The following ZC3H12B variants were observed in gnomAD, a reference collection of about 807,000 sequenced individuals.
ZC3H12B encodes the protein zinc finger CCCH-type containing 12B, also known as probable ribonuclease ZC3H12B.
In ZC3H12B, 7 loss-of-function variants were observed where a neutral mutation model predicts 43.9. That is an observed-to-expected ratio of 0.16 (90% CI 0.09 to 0.30). ZC3H12B has a LOEUF of 0.30. Ranked by LOEUF, ZC3H12B falls within the 10% of genes least tolerant of loss-of-function variation. The pLI, the probability that ZC3H12B is intolerant of heterozygous loss-of-function variation, is 1.00. For synonymous variants in ZC3H12B, 222 were observed against 241.7 expected (o/e 0.92, Z 0.76); for missense variants, 475 against 670.2 (o/e 0.71, Z 3.22).
Position 65,373,000 on chromosome X carries a change from G to C in ZC3H12B, n.295+4002G>C, listed in dbSNP as rs1219614770. ...ACATTAATCAGTCCATGATTTTCTT[G>C]TGAAAAATATAGTTCCTATGGTGGG... On this transcript the variant is annotated intron_variant and non_coding_transcript_variant, in intron 2 of 5. Transcript: ENST00000617377. Among the ~76,000 whole-genome samples the C allele has an allele frequency of 2.7e-5, 3 of 112,000 alleles. No individual in the cohort carries two copies. In the Admixed American group the frequency reaches 2.8e-4, roughly 11 times the overall value.
the ZC3H12B span, among the ~76,000 whole-genome samples, chrX:65,199,452 A>G: frequency 2.7e-5 from 3 of 110,320 alleles, no homozygotes; most frequent in Non-Finnish European, 5.7e-5. Context: ...CTTCACTTTT[A>G]TATTAAGTTC....
the ZC3H12B span, among the ~76,000 whole-genome samples, chrX:65,152,218 G>A: frequency 9.0e-6 from 1 of 111,595 alleles, no homozygotes; most frequent in Non-Finnish European, 1.9e-5. Flanking sequence ...CATAGTGTTG[G>A]AAGTTCTGGC....
the ZC3H12B span, among the ~76,000 whole-genome samples, chrX:65,338,352 CA>C: frequency 9.0e-6 from 1 of 111,437 alleles, no homozygotes; most frequent in Non-Finnish European, 1.9e-5. Context: ...TTAAATTGGA[CA>C]ATTGAATCAC....
the ZC3H12B span, among the ~76,000 whole-genome samples, chrX:65,275,653 A>G: frequency 5.5e-3 from 624 of 112,582 alleles, 3 homozygotes; most frequent in Admixed American, 0.01. Flanking sequence ...AAGAAAGGTG[A>G]GTGCACTTCG....
chrX:65,482,190 T>A (rs1461110106), intron 3 of ZC3H12B, among the ~76,000 whole-genome samples: 1 of 111,622 alleles, frequency 9.0e-6, no homozygotes, highest in Admixed American at 9.6e-5. Context: ...AAAGGCAATC[T>A]TTTTTTCCAA....
At chrX:65,415,133 C>A (rs1368111624) in intron 3 of ZC3H12B, among the ~76,000 whole-genome samples, 1 of 112,362 alleles carries the variant, frequency 8.9e-6, no homozygotes, top group African/African-American at 3.2e-5. Context: ...AAATATTTTT[C>A]TGATTGGCAA....
chrX:65,353,776 G>A, the ZC3H12B span, among the ~76,000 whole-genome samples: 1 of 111,458 alleles, frequency 9.0e-6, no homozygotes, highest in South Asian at 3.8e-4. Flanking sequence ...AGCTTGGTGT[G>A]GGGAGGGGTG....
At chrX:65,309,560 C>T in the ZC3H12B span, among the ~76,000 whole-genome samples, 1 of 111,739 alleles carries the variant, frequency 8.9e-6, no homozygotes, top group Non-Finnish European at 1.9e-5. Flanking sequence ...TGAATTCTAC[C>T]AGAGGTACGA....
At chrX:65,364,587 C>A (rs768036939), upstream of ZC3H12B, among the ~76,000 whole-genome samples, 3 of 84,972 alleles carry the variant, frequency 3.5e-5, no homozygotes, top group African/African-American at 3.2e-4. Context: ...CTATCAGTCT[C>A]TTCACACACA....
chrX:65,241,703 T>A, the ZC3H12B span, among the ~76,000 whole-genome samples: 1 of 112,616 alleles, frequency 8.9e-6, no homozygotes, highest in East Asian at 2.8e-4. Flanking sequence ...ACCACAGGAA[T>A]GGCAGCCGCC....
the ZC3H12B span, among the ~76,000 whole-genome samples, chrX:65,212,529 A>G: frequency 1.1e-4 from 8 of 73,912 alleles, no homozygotes; most frequent in African/African-American, 1.7e-4. Context: ...TTATTATATT[A>G]CATATAATGT....
chrX:65,257,696 T>G, the ZC3H12B span, among the ~76,000 whole-genome samples: 1 of 109,805 alleles, frequency 9.1e-6, no homozygotes, highest in Non-Finnish European at 1.9e-5. Context: ...ACTAAGGGGA[T>G]GTTACCCCAC....
the ZC3H12B span, among the ~76,000 whole-genome samples, chrX:65,120,085 C>T: frequency 1.8e-5 from 2 of 111,829 alleles, no homozygotes; most frequent in African/African-American, 3.2e-5. Flanking sequence ...TAGCGTGATG[C>T]CTCTAGCTTT....
intron 3 of ZC3H12B, among the ~76,000 whole-genome samples, chrX:65,458,424 C>T (rs1453686275): frequency 9.0e-6 from 1 of 111,545 alleles, no homozygotes; most frequent in Admixed American, 9.5e-5. Flanking sequence ...CAGCACCACA[C>T]CACACTTATT....
At chrX:65,254,850 C>T in the ZC3H12B span, among the ~76,000 whole-genome samples, 2 of 110,840 alleles carry the variant, frequency 1.8e-5, no homozygotes, top group Non-Finnish European at 3.8e-5. Flanking sequence ...ATGAAATGAC[C>T]GTTTTAGGAA....
the ZC3H12B span, among the ~76,000 whole-genome samples, chrX:65,166,930 T>G: frequency 8.9e-6 from 1 of 112,209 alleles, no homozygotes; most frequent in Non-Finnish European, 1.9e-5. Context: ...TCTTTGTAGA[T>G]TCTTGATATT....
chrX:65,411,587 G>T (rs1388491797), intron 3 of ZC3H12B, among the ~76,000 whole-genome samples: 1 of 110,063 alleles, frequency 9.1e-6, no homozygotes, highest in Non-Finnish European at 1.9e-5. Flanking sequence ...TTAGCTGGGC[G>T]TGGTGGCACA....
At chrX:65,503,220 T>C (rs1425615831) in exon 5 of ZC3H12B, 1 of 1,121,754 alleles carries the variant, frequency 8.9e-7, no homozygotes, top group Non-Finnish European at 1.2e-6. Context: ...TATGACATAG[T>C]ACTTATTTCT....
chrX:65,438,892 C>T (rs752608996), intron 3 of ZC3H12B, among the ~76,000 whole-genome samples: 2 of 112,946 alleles, frequency 1.8e-5, no homozygotes, highest in African/African-American at 6.4e-5. Flanking sequence ...TATTTATGGC[C>T]AGTTTTGGGG....
Sources: gnomAD v4.1 joint callset for allele counts (sites outside exome capture counted in the v4.1 genomes callset) on GRCh38, gnomAD v4.1.1 for gene constraint, MANE v1.5 for transcripts, NCBI Gene and HGNC (gene_info 2026-07-23, HGNC 2026-07-21) for gene names.